Variants in SI observed in about 807,000 individuals in gnomAD.
SI encodes the protein sucrase-isomaltase, also known as sucrase-isomaltase, intestinal.
In SI, 235 loss-of-function variants were observed where a neutral mutation model predicts 253.3. The observed-to-expected ratio is 0.93, with a 90% CI of 0.83 to 1.03. The LOEUF (loss-of-function observed/expected upper bound fraction) is 1.03, where lower values mean the gene tolerates loss of function less well. Ranked by LOEUF, SI falls within the 50% of genes least tolerant of loss-of-function variation. The probability of loss-of-function intolerance (pLI) is 0.00; values close to 1 mark genes in which losing one functional copy is unlikely to be tolerated. For missense variants in SI, 2,442 were observed against 2,211.1 expected, an observed-to-expected ratio of 1.10 and a Z score of -2.09; for synonymous variants, 819 against 712.0, an observed-to-expected ratio of 1.15 and a Z score of -2.39.
intron 43 of SI, 108 bp downstream of exon 43, chr3:164,992,069 C>T (rs1717776725): frequency 2.1e-6 from 2 of 933,182 alleles, no homozygotes; most frequent in Non-Finnish European, 3.5e-6. Flanking sequence ...TTACTTTCCA[C>T]TCTTTTTAAG....
At chr3:165,083,897 G>T in the SI span, among the ~76,000 whole-genome samples, 1 of 152,046 alleles carries the variant, frequency 6.6e-6, no homozygotes, top group African/African-American at 2.4e-5. Context: ...AAATGAAAAG[G>T]AGTTTCACTC....
chr3:165,009,437 G>A (rs765873860), intron 34 of SI, 42 bp from the exon 35 acceptor site: 4 of 1,045,110 alleles, frequency 3.8e-6, no homozygotes, highest in Non-Finnish European at 6.0e-6. Flanking sequence ...AAAGTCTTAA[G>A]AGAGATTATA....
intron 46 of SI, 124 bp from the exon 47 acceptor site, chr3:164,982,534 G>C (rs903585938): frequency 5.5e-6 from 4 of 728,682 alleles, no homozygotes; most frequent in Non-Finnish European, 9.3e-6. Context: ...TTGTGCATTT[G>C]ATATAAGGTA....
intron 14 of SI, among the ~76,000 whole-genome samples, 162 bp from the exon 15 acceptor site, chr3:165,049,406 C>T (rs1461009060): frequency 6.6e-6 from 1 of 151,924 alleles, no homozygotes; most frequent in Non-Finnish European, 1.5e-5. Context: ...AAATAAGTTC[C>T]AATTAGGTCC....
intron 3 of SI, among the ~76,000 whole-genome samples, chr3:165,069,699 G>C (rs1714434703): frequency 6.6e-6 from 1 of 151,892 alleles, no homozygotes; most frequent in East Asian, 1.9e-4. Flanking sequence ...TATGTGCCAG[G>C]TATCACAAGT....
At position 165,059,291 on chromosome 3, in the gene SI, C is replaced by T. The variant is rs1713869209; in HGVS notation, c.1155G>A (p.Gln385=). The change falls in exon 11 of 48, where the codon CAG becomes CAA. Residue 385 remains glutamine (Q), a synonymous_variant. Transcript: ENST00000264382. ...NREAGIPFDT[Q]VTDIDYMEDK... ...CTTCCATGTAGTCAATATCAGTGAC[C>T]TGTGTATCCTGAAAGTTAGAAGATT... The T allele has an allele frequency of 3.1e-6, 5 of 1,612,040 alleles. No individual in the cohort carries two copies. Among genetic ancestry groups the T allele is most frequent in the Non-Finnish European group, 4.2e-6 (5 of 1,178,762 alleles).
chr3:165,070,736 C>T (rs997759448), intron 3 of SI, among the ~76,000 whole-genome samples: 4 of 151,922 alleles, frequency 2.6e-5, no homozygotes, highest in Non-Finnish European at 5.9e-5. Flanking sequence ...GTAAAATAGG[C>T]TTACGTTAAT....
chr3:165,081,115 G>A (rs570836748), upstream of SI, among the ~76,000 whole-genome samples: 21 of 151,758 alleles, frequency 1.4e-4, no homozygotes, highest in Middle Eastern at 6.8e-3. Flanking sequence ...GGTAAATTCA[G>A]ATAAAAATCA....
At chr3:165,015,096 T>C in intron 33 of SI, 27 bp downstream of exon 33, 1 of 1,508,406 alleles carries the variant, frequency 6.6e-7, no homozygotes, top group Non-Finnish European at 9.2e-7. Flanking sequence ...TTTGTATTTA[T>C]TCTATTTCAA....
chr3:165,006,989 A>T, intron 36 of SI, 35 bp from the exon 37 acceptor site: 4 of 1,438,268 alleles, frequency 2.8e-6, no homozygotes, highest in Non-Finnish European at 3.9e-6. Flanking sequence ...TTAATATATT[A>T]TACAGTGCCC....
intron 37 of SI, among the ~76,000 whole-genome samples, chr3:165,002,265 C>T (rs543706930): frequency 9.2e-5 from 14 of 151,798 alleles, no homozygotes; most frequent in African/African-American, 2.6e-4. Context: ...TTCAATACAA[C>T]ATTGAATTTC....
Position 165,068,730 on chromosome 3 carries a change from G to A in SI, c.475C>T (p.Arg159Trp), listed in dbSNP as rs201105530. 28 of 1,611,836 alleles carry A rather than the reference G, an allele frequency of 1.7e-5. No individual in the cohort carries two copies. The highest frequency in any genetic ancestry group is 2.4e-5 in the Non-Finnish European group (28 of 1,178,042). ...TTQNQTPNRF[R>W]FKITDPNNRR... is the part of the protein sequence containing the mutation. ...AACCTTAAAAACCGAACCTTGAACCGGAAACGATTGGGTGTCTGATTTTGA... is the reference window on the plus strand; with the variant it reads ...AACCTTAAAAACCGAACCTTGAACCAGAAACGATTGGGTGTCTGATTTTGA... Residue 159 changes from arginine (R) to tryptophan (W), a missense_variant, in exon 5 of 48, where the codon CGG (arginine) becomes TGG (tryptophan). Physicochemically the swap from Arg to Trp is moderately radical, Grantham distance 101 (BLOSUM62 -3). Transcript: ENST00000264382.
chr3:164,989,381 A>AAAGGAAGG, intron 44 of SI, among the ~76,000 whole-genome samples: 1 of 93,576 alleles, frequency 1.1e-5, no homozygotes, highest in South Asian at 4.5e-4. Flanking sequence ...AGGAAGAAAG[A>AAAGGAAGG]AAGAAAGGAA....
chr3:165,058,548 A>C (rs1338826917), intron 12 of SI, among the ~76,000 whole-genome samples: 1 of 151,956 alleles, frequency 6.6e-6, no homozygotes, highest in Non-Finnish European at 1.5e-5. Flanking sequence ...CTAAGAAAAA[A>C]AGCAAGGCCC....
At chr3:165,068,529 A>G in intron 5 of SI, among the ~76,000 whole-genome samples, 193 bp downstream of exon 5, 1 of 152,030 alleles carries the variant, frequency 6.6e-6, no homozygotes, top group Non-Finnish European at 1.5e-5. Flanking sequence ...GCCCGCCACC[A>G]CGCCTGGCTA....
intron 13 of SI, among the ~76,000 whole-genome samples, chr3:165,053,232 G>T (rs1304450086): frequency 6.6e-6 from 1 of 151,868 alleles, no homozygotes; most frequent in Non-Finnish European, 1.5e-5. Context: ...ATACTTCAAT[G>T]ACAATTAAGC....
intron 18 of SI, 52 bp from the exon 19 acceptor site, chr3:165,040,023 C>A: frequency 7.2e-7 from 1 of 1,390,230 alleles, no homozygotes; most frequent in South Asian, 1.2e-5. Context: ...TAAGTTTATC[C>A]AAATTCCTGG....
chr3:165,046,653 C>T (rs1192096458), intron 16 of SI, among the ~76,000 whole-genome samples, 188 bp downstream of exon 16: 2 of 151,744 alleles, frequency 1.3e-5, no homozygotes. Flanking sequence ...TTCTACATTC[C>T]CACTTTAATG....
chr3:165,044,314 G>A (rs796425931), intron 16 of SI, among the ~76,000 whole-genome samples: 1 of 151,878 alleles, frequency 6.6e-6, no homozygotes. Context: ...ACATACATAG[G>A]ATTATTTTTC....
Sources: allele counts gnomAD v4.1 joint callset (sites outside exome capture counted in the v4.1 genomes callset), GRCh38; gene constraint gnomAD v4.1.1; transcripts MANE v1.5; gene names NCBI Gene and HGNC (gene_info 2026-07-23, HGNC 2026-07-21).